The following UCHL3 variants were observed in gnomAD, a reference collection of about 807,000 sequenced individuals.
UCHL3 encodes ubiquitin C-terminal hydrolase L3.
In UCHL3, 22 loss-of-function variants were observed where a neutral mutation model predicts 35.8. The observed-to-expected ratio is 0.61, with a 90% CI of 0.44 to 0.88. UCHL3 has a LOEUF of 0.88. Ranked by LOEUF, UCHL3 falls within the 40% of genes least tolerant of loss-of-function variation. UCHL3 has a pLI of 0.00. For missense variants in UCHL3, 229 were observed against 276.9 expected, an observed-to-expected ratio of 0.83 and a Z score of 1.23; for synonymous variants, 90 against 92.8, an observed-to-expected ratio of 0.97 and a Z score of 0.17.
At chr13:75,578,075 G>A (rs968446291) in intron 6 of UCHL3, among the ~76,000 whole-genome samples, 1 of 151,960 alleles carries the variant, frequency 6.6e-6, no homozygotes, top group Non-Finnish European at 1.5e-5. Context: ...TTGCATCTAT[G>A]TATATTTGCT....
chr13:75,550,527 G>A (rs1215841597), intron 2 of UCHL3, among the ~76,000 whole-genome samples: 1 of 152,022 alleles, frequency 6.6e-6, no homozygotes. Context: ...ACATTTAGTT[G>A]CTGTTGTATC....
At chr13:75,566,396 G>T (rs986349584) in intron 3 of UCHL3, among the ~76,000 whole-genome samples, 1 of 152,200 alleles carries the variant, frequency 6.6e-6, no homozygotes, top group African/African-American at 2.4e-5. Flanking sequence ...TTATTGGAGT[G>T]TATGAGAATT....
At chr13:75,551,384 T>C (rs1446747071) in intron 2 of UCHL3, among the ~76,000 whole-genome samples, 1 of 151,510 alleles carries the variant, frequency 6.6e-6, no homozygotes, top group African/African-American at 2.4e-5. Context: ...TGAGCCGAGA[T>C]TGTGCCACTG....
chr13:75,599,438 T>G (rs1020464063), intron 7 of UCHL3, among the ~76,000 whole-genome samples: 6 of 152,206 alleles, frequency 3.9e-5, no homozygotes, highest in Admixed American at 1.3e-4. Flanking sequence ...TTTTACAAAT[T>G]GAAGGTTTAT....
Position 75,566,852 on chromosome 13 carries a change from G to A in UCHL3, c.340+1G>A, listed in dbSNP as rs775852972. On this transcript the variant is annotated splice_donor_variant, in intron 4 of 8. Transcript: ENST00000377595. LOFTEE classifies it high-confidence loss of function. ...AACAATAAAGACAAGATGCACTTTG[G>A]TAAATGATTTTTCATTACTGCATTT... The A allele has an allele frequency of 3.2e-6, 5 of 1,584,178 alleles. No individual in the cohort carries two copies. The highest frequency in any genetic ancestry group is 4.3e-6 in the Non-Finnish European group (5 of 1,167,458).
intron 2 of UCHL3, among the ~76,000 whole-genome samples, chr13:75,552,241 A>G (rs913819729): frequency 3.3e-5 from 5 of 152,170 alleles, no homozygotes; most frequent in African/African-American, 4.8e-5. Flanking sequence ...TTTATTCTCT[A>G]TGTTTTAGTG....
chr13:75,570,290 T>G (rs1045762119), intron 6 of UCHL3, among the ~76,000 whole-genome samples: 1 of 152,088 alleles, frequency 6.6e-6, no homozygotes, highest in African/African-American at 2.4e-5. Context: ...CAGGCTGGAG[T>G]GCAGTGGCTG....
chr13:75,601,606 T>C lies in UCHL3; in HGVS notation c.551-3163T>C, dbSNP rs1045700866. On this transcript the variant is annotated intron_variant, in intron 7 of 8. Coordinates refer to ENST00000377595, the MANE Select transcript of UCHL3 (RefSeq NM_006002.5). ...TGTTTTCTTAGACATAATGCTAATG[T>C]ATACCTAATAGACTACAGAGTAATA... Among the ~76,000 whole-genome samples the C allele has an allele frequency of 5.3e-5, 8 of 152,296 alleles. No individual in the cohort carries two copies. The South Asian group carries it at 1.7e-3, about 32-fold the overall frequency.
At chr13:75,595,123 A>G (rs1204483200) in intron 7 of UCHL3, 133 bp downstream of exon 7, 1 of 678,638 alleles carries the variant, frequency 1.5e-6, no homozygotes, top group Admixed American at 3.1e-5. Context: ...GATTTGACAT[A>G]GCGACAGTTT....
chr13:75,560,691 T>C, intron 2 of UCHL3, 62 bp from the exon 3 acceptor site: 1 of 1,448,386 alleles, frequency 6.9e-7, no homozygotes. Flanking sequence ...ATGTATAGTA[T>C]ACTAGTTTTC....
intron 6 of UCHL3, among the ~76,000 whole-genome samples, chr13:75,592,415 C>CATATAT (rs546657200): frequency 7.4e-5 from 3 of 40,654 alleles, no homozygotes; most frequent in Non-Finnish European, 1.3e-4. Flanking sequence ...ATTTTTCCTT[C>CATATAT]ATATATATAT....
At chr13:75,590,980 C>T (rs1462244308) in intron 6 of UCHL3, among the ~76,000 whole-genome samples, 1 of 152,154 alleles carries the variant, frequency 6.6e-6, no homozygotes, top group Non-Finnish European at 1.5e-5. Flanking sequence ...AAGGCAATGA[C>T]TGTGGTTTGG....
intron 7 of UCHL3, among the ~76,000 whole-genome samples, chr13:75,603,998 TA>T (rs1205395228): frequency 2.6e-5 from 4 of 152,010 alleles, no homozygotes; most frequent in African/African-American, 9.7e-5. Flanking sequence ...TTCATTTTTT[TA>T]AAAAAAATCT....
chr13:75,603,983 T>A (rs1027877561), intron 7 of UCHL3, among the ~76,000 whole-genome samples: 21 of 152,190 alleles, frequency 1.4e-4, no homozygotes, highest in African/African-American at 5.1e-4. Flanking sequence ...ATGTGTTGAT[T>A]TTCATTCATT....
intron 6 of UCHL3, among the ~76,000 whole-genome samples, chr13:75,579,429 A>G (rs2032116802): frequency 6.6e-6 from 1 of 152,018 alleles, no homozygotes; most frequent in East Asian, 1.9e-4. Context: ...TTTTAAAACC[A>G]AAAATGCTCT....
chr13:75,592,468 G>GTATATATGT (rs1201744829), intron 6 of UCHL3, among the ~76,000 whole-genome samples: 6 of 23,314 alleles, frequency 2.6e-4, no homozygotes, highest in South Asian at 1.4e-3. Context: ...ATATATATAT[G>GTATATATGT]AAGGAAAAAA....
chr13:75,549,884 C>T (rs1310269445), intron 1 of UCHL3, 22 bp downstream of exon 1: 1 of 1,613,658 alleles, frequency 6.2e-7, no homozygotes, highest in Non-Finnish European at 8.5e-7. Context: ...TCGGGGCAGC[C>T]CTGGGCCGTG....
intron 6 of UCHL3, among the ~76,000 whole-genome samples, chr13:75,590,810 A>G (rs2032460615): frequency 6.6e-6 from 1 of 152,180 alleles, no homozygotes. Context: ...TTCATAGGCT[A>G]ATGATATCTG....
At chr13:75,603,011 A>G (rs2032819696) in intron 7 of UCHL3, among the ~76,000 whole-genome samples, 1 of 151,966 alleles carries the variant, frequency 6.6e-6, no homozygotes, top group Admixed American at 6.6e-5. Flanking sequence ...TTTTTTAGAG[A>G]CAGAATCTCA....
Sources: allele counts gnomAD v4.1 joint callset (sites outside exome capture counted in the v4.1 genomes callset), GRCh38; gene constraint gnomAD v4.1.1; transcripts MANE v1.5; gene names NCBI Gene and HGNC (gene_info 2026-07-23, HGNC 2026-07-21).